CCDC7: variants seen among roughly 807,000 people sequenced by gnomAD.
CCDC7 encodes coiled-coil domain-containing protein 7.
In CCDC7, 183 loss-of-function variants were observed where a neutral mutation model predicts 196.9. The ratio of observed to expected loss-of-function variants is 0.93; its 90% confidence interval spans 0.82 to 1.05. CCDC7 has a LOEUF of 1.05. Ranked by LOEUF, CCDC7 falls within the 50% of genes least tolerant of loss-of-function variation. The probability of loss-of-function intolerance (pLI) is 0.00; values close to 1 mark genes in which losing one functional copy is unlikely to be tolerated. For synonymous variants in CCDC7, 525 were observed against 484.6 expected (o/e 1.08, Z -1.10); for missense variants, 1,540 against 1,482.2 (o/e 1.04, Z -0.64).
intron 10 of CCDC7, 145 bp from the exon 12 acceptor site, chr10:32,518,271 T>C: frequency 1.2e-6 from 1 of 820,620 alleles, no homozygotes; most frequent in Non-Finnish European, 1.7e-6. Context: ...GCTCCAATTA[T>C]TGTGTCACTC....
chr10:32,817,731 C>A (rs549691790), intron 31 of CCDC7, among the ~76,000 whole-genome samples: 1 of 152,282 alleles, frequency 6.6e-6, no homozygotes, highest in African/African-American at 2.4e-5. Flanking sequence ...CATATCCAGC[C>A]AAACTAAGCT....
At chr10:32,704,455 C>T (rs1295521930) in intron 24 of CCDC7, among the ~76,000 whole-genome samples, 1 of 151,222 alleles carries the variant, frequency 6.6e-6, no homozygotes, top group Non-Finnish European at 1.5e-5. Flanking sequence ...ACTCAGGGGT[C>T]AGGGACCCAC....
At chr10:32,469,899 A>G (rs868463334) in intron 5 of CCDC7, among the ~76,000 whole-genome samples, 22 of 152,216 alleles carry the variant, frequency 1.4e-4, no homozygotes, top group African/African-American at 5.1e-4. Flanking sequence ...GGGAAGAAAT[A>G]TTCCACTATC....
intron 18 of CCDC7, among the ~76,000 whole-genome samples, chr10:32,620,654 A>G (rs563235946): frequency 2.4e-4 from 37 of 152,290 alleles, no homozygotes; most frequent in African/African-American, 8.9e-4. Flanking sequence ...TTGTATTTAT[A>G]TTTAAGAACT....
rs573447536 is a variant in CCDC7 at position 32,734,168 on chromosome 10, G to A, written c.2905+4711G>A. Among the ~76,000 whole-genome samples, 6 of 152,176 alleles carry A rather than the reference G, an allele frequency of 3.9e-5. No individual in the cohort carries two copies. In the East Asian group the frequency reaches 7.7e-4, roughly 20 times the overall value. On this transcript the variant is annotated intron_variant, in intron 28 of 41. Transcript: ENST00000639629. ...GCACTATTCACAACAGCAAAGATAC[G>A]GAATCAGCCTAAATGCCCATCAATG...
chr10:32,845,353 A>T (rs754853773), intron 34 of CCDC7, 27 bp downstream of exon 35: 1 of 1,469,544 alleles, frequency 6.8e-7, no homozygotes, highest in Admixed American at 2.0e-5. Flanking sequence ...TTCACATCTA[A>T]TATTTATGGC....
intron 25 of CCDC7, among the ~76,000 whole-genome samples, chr10:32,719,658 T>C (rs528050931): frequency 4.6e-5 from 7 of 152,230 alleles, no homozygotes; most frequent in African/African-American, 1.7e-4. Flanking sequence ...TACAAGGAAC[T>C]TAAACAAATT....
chr10:32,671,071 A>G (rs1270563288), intron 21 of CCDC7, among the ~76,000 whole-genome samples: 1 of 152,192 alleles, frequency 6.6e-6, no homozygotes, highest in Non-Finnish European at 1.5e-5. Flanking sequence ...TTAATTTATT[A>G]TTGAATAAAG....
intron 21 of CCDC7, among the ~76,000 whole-genome samples, chr10:32,677,493 T>G (rs543727977): frequency 6.6e-6 from 1 of 152,260 alleles, no homozygotes; most frequent in Admixed American, 6.5e-5. Flanking sequence ...TTTTTCTGGG[T>G]GTAGTATTCT....
upstream of CCDC7, among the ~76,000 whole-genome samples, chr10:32,446,924 T>C (rs192070878): frequency 0.059 from 5,325 of 89,858 alleles, 120 homozygotes; most frequent in Non-Finnish European, 0.083. Context: ...CTCCCTCCCT[T>C]CCTTCCTTCC....
chr10:32,517,422 A>G (rs2047190336), intron 9 of CCDC7, among the ~76,000 whole-genome samples: 1 of 152,078 alleles, frequency 6.6e-6, no homozygotes, highest in South Asian at 2.1e-4. Context: ...GTAAATGCCT[A>G]GAACAAGTCC....
intron 9 of CCDC7, among the ~76,000 whole-genome samples, chr10:32,494,120 A>G (rs1478661575): frequency 6.6e-6 from 1 of 152,164 alleles, no homozygotes; most frequent in Non-Finnish European, 1.5e-5. Flanking sequence ...TCCAAGACCA[A>G]TGTCAAGAAG....
intron 32 of CCDC7, among the ~76,000 whole-genome samples, chr10:32,829,075 G>A (rs1486183551): frequency 6.6e-6 from 1 of 152,178 alleles, no homozygotes; most frequent in East Asian, 1.9e-4. Flanking sequence ...CTATCAAGAT[G>A]AATTCAGTCT....
chr10:32,473,590 T>C (rs1173833939), intron 7 of CCDC7, among the ~76,000 whole-genome samples: 1 of 152,190 alleles, frequency 6.6e-6, no homozygotes, highest in Non-Finnish European at 1.5e-5. Context: ...AGATGTGTGA[T>C]CAGTACCTAT....
chr10:32,473,673 TGGAA>T (rs772639507), intron 7 of CCDC7, among the ~76,000 whole-genome samples: 20 of 152,068 alleles, frequency 1.3e-4, no homozygotes, highest in Admixed American at 1.3e-3. Flanking sequence ...TGATTGGATA[TGGAA>T]GGAAGGAAGA....
intron 41 of CCDC7, among the ~76,000 whole-genome samples, chr10:32,871,811 C>T (rs2094441220): frequency 7.3e-6 from 1 of 136,438 alleles, no homozygotes; most frequent in Non-Finnish European, 1.7e-5. Flanking sequence ...TCTTTGTTCT[C>T]ATTGGTTTCA....
intron 41 of CCDC7, among the ~76,000 whole-genome samples, chr10:32,871,307 C>A (rs910831089): frequency 1.7e-4 from 26 of 152,088 alleles, no homozygotes; most frequent in Non-Finnish European, 3.2e-4. Context: ...AGAGATTCAA[C>A]TTCTTCCTGG....
At chr10:32,693,880 C>T (rs1030158325) in intron 23 of CCDC7, among the ~76,000 whole-genome samples, 4 of 152,174 alleles carry the variant, frequency 2.6e-5, no homozygotes, top group African/African-American at 9.7e-5. Flanking sequence ...TGGCTCCCCC[C>T]TTGTGCTCTG....
intron 33 of CCDC7, among the ~76,000 whole-genome samples, chr10:32,839,315 G>T (rs2092821817): frequency 6.6e-6 from 1 of 151,818 alleles, no homozygotes; most frequent in African/African-American, 2.4e-5. Context: ...TGTGGAAAAA[G>T]ATGTCCTGTG....
Sources: gnomAD v4.1 joint callset for allele counts (sites outside exome capture counted in the v4.1 genomes callset) on GRCh38, gnomAD v4.1.1 for gene constraint, MANE v1.5 for transcripts, NCBI Gene and HGNC (gene_info 2026-07-23, HGNC 2026-07-21) for gene names.